Variants in DYM observed in about 807,000 individuals in gnomAD.
DYM encodes the protein dyggve-Melchior-Clausen syndrome protein.
In DYM, 78 loss-of-function variants were observed where a neutral mutation model predicts 93.1. The ratio of observed to expected loss-of-function variants is 0.84; its 90% CI spans 0.70 to 1.01. The LOEUF (loss-of-function observed/expected upper bound fraction) is 1.01. Among genes scored for constraint, DYM ranks in the 50% least tolerant of loss-of-function variants. The probability of loss-of-function intolerance (pLI) is 0.00; values close to 1 mark genes in which losing one functional copy is unlikely to be tolerated. For missense variants in DYM, 789 were observed against 845.0 expected, an observed-to-expected ratio of 0.93 and a Z score of 0.82; for synonymous variants, 321 against 319.7, an observed-to-expected ratio of 1.00 and a Z score of -0.04.
At chr18:49,072,699 G>A (rs2076987272) in intron 17 of DYM, among the ~76,000 whole-genome samples, 3 of 152,256 alleles carry the variant, frequency 2.0e-5, no homozygotes, top group South Asian at 4.1e-4. Flanking sequence ...TTTGAGAGCT[G>A]AGACTTTATG....
intron 13 of DYM, among the ~76,000 whole-genome samples, chr18:49,252,460 A>G (rs1030839198): frequency 6.6e-6 from 1 of 152,042 alleles, no homozygotes; most frequent in African/African-American, 2.4e-5. Flanking sequence ...ATCATGAATG[A>G]GAACAGCATG....
At chr18:49,229,273 C>G (rs2093631066) in intron 13 of DYM, among the ~76,000 whole-genome samples, 1 of 151,752 alleles carries the variant, frequency 6.6e-6, no homozygotes, top group Non-Finnish European at 1.5e-5. Flanking sequence ...AAACAAGTAT[C>G]AGGGGAAAAA....
At chr18:49,099,269 G>C (rs1599733991) in intron 16 of DYM, among the ~76,000 whole-genome samples, 1 of 151,774 alleles carries the variant, frequency 6.6e-6, no homozygotes, top group East Asian at 1.9e-4. Flanking sequence ...TTTGTTTATA[G>C]CAGTAGATCA....
intron 14 of DYM, chr18:49,206,011 G>GTTTGTTTGTTTGTTTTTTGTTTTTTTTT (rs2092475166): frequency 8.1e-5 from 11 of 135,082 alleles, no homozygotes; most frequent in African/African-American, 2.7e-4. Flanking sequence ...TTGTTTTTTT[G>GTTTGTTTGTTTGTTTTTTGTTTTTTTTT]TTTTTTGCGG....
chr18:49,187,096 T>C (rs562111036), intron 14 of DYM, among the ~76,000 whole-genome samples: 2 of 152,084 alleles, frequency 1.3e-5, no homozygotes, highest in African/African-American at 4.8e-5. Context: ...ATTTTTTGTA[T>C]GTTTAGTAGA....
At chr18:49,363,337 A>T in intron 5 of DYM, 104 bp from the exon 6 acceptor site, 1 of 825,936 alleles carries the variant, frequency 1.2e-6, no homozygotes. Flanking sequence ...AACAGTTATC[A>T]TTATATAAAC....
chr18:49,189,598 C>T (rs544440458), intron 14 of DYM, among the ~76,000 whole-genome samples: 1 of 152,280 alleles, frequency 6.6e-6, no homozygotes, highest in Admixed American at 6.5e-5. Context: ...ACCCAAAAGT[C>T]ACAGGCATAA....
At chr18:49,272,845 G>T (rs953305625) in intron 10 of DYM, among the ~76,000 whole-genome samples, 4 of 151,916 alleles carry the variant, frequency 2.6e-5, no homozygotes, top group African/African-American at 9.7e-5. Flanking sequence ...ATTTCATAAT[G>T]CTGTTTACCA....
chr18:49,363,352 A>T (rs1010646368), intron 5 of DYM, 119 bp from the exon 6 acceptor site: 8 of 762,660 alleles, frequency 1.0e-5, no homozygotes. Context: ...ATAAACTCAG[A>T]TATTAATGTT....
chr18:49,060,765 G>A (rs1408113941), intron 17 of DYM, among the ~76,000 whole-genome samples: 3 of 147,462 alleles, frequency 2.0e-5, no homozygotes, highest in Non-Finnish European at 3.0e-5. Context: ...GAGAGAGAGA[G>A]GGGGAGAGAG....
intron 6 of DYM, among the ~76,000 whole-genome samples, chr18:49,340,915 A>G (rs1480667402): frequency 1.3e-5 from 2 of 152,226 alleles, no homozygotes; most frequent in Non-Finnish European, 2.9e-5. Context: ...TAAATGTAGC[A>G]CCCAGAGATG....
intron 17 of DYM, among the ~76,000 whole-genome samples, chr18:49,079,329 T>A (rs1481420653): frequency 6.6e-6 from 1 of 152,224 alleles, no homozygotes; most frequent in Non-Finnish European, 1.5e-5. Context: ...TTTTCTTGAT[T>A]CTGTGGATGT....
chr18:49,334,463 A>C (rs2063527225), intron 6 of DYM, among the ~76,000 whole-genome samples: 1 of 152,234 alleles, frequency 6.6e-6, no homozygotes, highest in African/African-American at 2.4e-5. Context: ...CCCCTTTGGG[A>C]AACAAGTCTT....
intron 13 of DYM, among the ~76,000 whole-genome samples, chr18:49,219,950 G>A (rs1048422720): frequency 6.7e-6 from 1 of 148,488 alleles, no homozygotes; most frequent in Non-Finnish European, 1.5e-5. Flanking sequence ...ATTAGAAAAA[G>A]AGGAAGTCAA....
chr18:49,299,111 G>C (rs1334197649), intron 8 of DYM, among the ~76,000 whole-genome samples: 3 of 152,072 alleles, frequency 2.0e-5, no homozygotes, highest in African/African-American at 7.2e-5. Flanking sequence ...CCCTAAAGCA[G>C]TGTTTCCCAA....
At chr18:49,331,646 G>A (rs555570331) in intron 8 of DYM, among the ~76,000 whole-genome samples, 37 of 152,322 alleles carry the variant, frequency 2.4e-4, no homozygotes, top group Non-Finnish European at 1.9e-4. Flanking sequence ...GAAAAACGAT[G>A]TTTTGTAGGT....
intron 13 of DYM, among the ~76,000 whole-genome samples, chr18:49,217,087 T>A (rs1056737645): frequency 6.6e-6 from 1 of 152,016 alleles, no homozygotes; most frequent in Non-Finnish European, 1.5e-5. Flanking sequence ...AAGCCAAGGA[T>A]CGAGAACTAC....
chr18:49,045,358 T>A (rs772757433), intron 17 of DYM, among the ~76,000 whole-genome samples: 10 of 152,234 alleles, frequency 6.6e-5, no homozygotes, highest in South Asian at 2.1e-4. Flanking sequence ...AGGCACTTAA[T>A]AAACTGATGA....
intron 1 of DYM, among the ~76,000 whole-genome samples, chr18:49,438,022 A>G (rs959557481): frequency 4.0e-5 from 6 of 151,888 alleles, no homozygotes; most frequent in African/African-American, 1.5e-4. Context: ...CCCCATCTAT[A>G]CAAAAAATTT....
Sources: allele counts gnomAD v4.1 joint callset (sites outside exome capture counted in the v4.1 genomes callset), GRCh38; gene constraint gnomAD v4.1.1; transcripts MANE v1.5; gene names NCBI Gene and HGNC (gene_info 2026-07-23, HGNC 2026-07-21).